SND1: variants seen among roughly 807,000 people sequenced by gnomAD.
SND1 encodes the protein staphylococcal nuclease and tudor domain containing 1.
Under a neutral mutation model 121.7 loss-of-function variants are expected in SND1, and 38 were observed. That is an observed-to-expected ratio of 0.31 (90% CI 0.24 to 0.41). The LOEUF is 0.41. SND1 is among the 10% of genes least tolerant of loss of function. SND1 has a pLI of 1.00. For synonymous variants in SND1, 401 were observed against 447.4 expected, an observed-to-expected ratio of 0.90 and a Z score of 1.31; for missense variants, 868 against 1,184.6, an observed-to-expected ratio of 0.73 and a Z score of 3.92.
chr7:127,930,801 C>T (rs1014802716), intron 15 of SND1, among the ~76,000 whole-genome samples: 3 of 152,172 alleles, frequency 2.0e-5, no homozygotes, highest in Non-Finnish European at 1.5e-5. Flanking sequence ...GTTGGAGGCA[C>T]AGGCATATCC....
chr7:127,926,854 G>C (rs1264314500), intron 14 of SND1, among the ~76,000 whole-genome samples: 3 of 151,858 alleles, frequency 2.0e-5, no homozygotes, highest in African/African-American at 7.3e-5. Flanking sequence ...GCCTCCCAAA[G>C]TGCTGAGATT....
chr7:127,722,685 G>A (rs781641673), intron 10 of SND1, among the ~76,000 whole-genome samples: 3 of 152,116 alleles, frequency 2.0e-5, no homozygotes, highest in Admixed American at 1.3e-4. Context: ...TTTCATTTGT[G>A]TGAGAGTTTA....
chr7:128,072,180 C>A (rs1048415470), intron 16 of SND1, among the ~76,000 whole-genome samples: 1 of 152,220 alleles, frequency 6.6e-6, no homozygotes, highest in Non-Finnish European at 1.5e-5. Context: ...ACAGGATAGA[C>A]AGCAACTGTG....
chr7:127,727,025 C>T (rs757045917), intron 10 of SND1, among the ~76,000 whole-genome samples: 1 of 152,178 alleles, frequency 6.6e-6, no homozygotes, highest in African/African-American at 2.4e-5. Flanking sequence ...GTAGTCACCC[C>T]CTGCTACCAG....
At position 128,086,336 on chromosome 7, in the gene SND1, C is replaced by T. The variant is rs193224111; in HGVS notation, c.2304+556C>T. 359 of 173,070 alleles carry T rather than the reference C, an allele frequency of 2.1e-3. 3 individuals carry two copies. Among genetic ancestry groups the T allele is most frequent in the Non-Finnish European group, 5.9e-4 (47 of 79,570 alleles). 10.7% of individuals were successfully genotyped at this position (173,070 alleles called of 1,614,324 possible). On this transcript the variant is annotated intron_variant, in intron 20 of 23. Coordinates refer to ENST00000354725, the MANE Select transcript of SND1 (RefSeq NM_014390.4). Reference sequence around the variant, plus strand: ...AAAACTGTCATTCAGGAGGGTGACGCTCCTGAGTCATGGCACTGCTTGTCT... The same window carrying T: ...AAAACTGTCATTCAGGAGGGTGACGTTCCTGAGTCATGGCACTGCTTGTCT...
Position 127,929,210 on chromosome 7 carries a change from T to A in SND1, c.1550T>A (p.Phe517Tyr). The A allele has an allele frequency of 6.2e-7, 1 of 1,614,156 alleles. No individual in the cohort carries two copies. Among genetic ancestry groups the A allele is most frequent in the Non-Finnish European group, 8.5e-7 (1 of 1,179,978 alleles). Residue 517 changes from phenylalanine to tyrosine, a missense_variant, in exon 15 of 24, where the codon TTC becomes TAC. Phe to Tyr is a conservative substitution (Grantham distance 22, BLOSUM62 3). Transcript: ENST00000354725. Reference protein sequence around the residue: ...ISGDTQKAKQFLPFLQRAGRS... With the variant: ...ISGDTQKAKQYLPFLQRAGRS... ...CAGGATACCCAAAAAGCAAAGCAGT[T>A]CCTGCCTTTTCTTCAGCGGGCAGGT...
intron 10 of SND1, among the ~76,000 whole-genome samples, chr7:127,782,084 G>T (rs188674735): frequency 3.7e-4 from 57 of 152,326 alleles, no homozygotes; most frequent in Non-Finnish European, 6.9e-4. Flanking sequence ...GCAGAGAATA[G>T]TTTCATGCCC....
intron 10 of SND1, among the ~76,000 whole-genome samples, chr7:127,727,411 A>C (rs1399754775): frequency 6.6e-6 from 1 of 152,114 alleles, no homozygotes; most frequent in Non-Finnish European, 1.5e-5. Context: ...TTTTCAACCT[A>C]TTCCCTCCAG....
intron 15 of SND1, among the ~76,000 whole-genome samples, chr7:127,948,513 G>A (rs147075582): frequency 9.8e-5 from 15 of 152,312 alleles, no homozygotes; most frequent in African/African-American, 2.6e-4. Flanking sequence ...GTGTCTTCCC[G>A]TAGTTCATCA....
At chr7:127,885,206 A>G (rs1331152600) in intron 12 of SND1, among the ~76,000 whole-genome samples, 13 of 152,132 alleles carry the variant, frequency 8.5e-5, no homozygotes, top group Admixed American at 8.5e-4. Flanking sequence ...ATCACTCACC[A>G]AGGAAGATAA....
chr7:128,027,834 G>GGCC (rs1803523541), intron 16 of SND1: 1 of 152,068 alleles, frequency 6.6e-6, no homozygotes, highest in South Asian at 2.1e-4. Context: ...CCCCTTCAGG[G>GGCC]GCCTCCTCCT....
intron 21 of SND1, among the ~76,000 whole-genome samples, chr7:128,088,949 C>T (rs1793730559): frequency 6.6e-6 from 1 of 152,064 alleles, no homozygotes; most frequent in South Asian, 2.1e-4. Flanking sequence ...AAAGGGGTCA[C>T]TTGCAAATAG....
intron 12 of SND1, among the ~76,000 whole-genome samples, chr7:127,871,514 T>C (rs1000489532): frequency 3.3e-5 from 5 of 152,190 alleles, no homozygotes; most frequent in Non-Finnish European, 7.3e-5. Context: ...CACCTGCGTA[T>C]ATGTGCTCCA....
chr7:127,828,737 A>T (rs919307737), intron 11 of SND1, among the ~76,000 whole-genome samples: 1 of 152,342 alleles, frequency 6.6e-6, no homozygotes, highest in East Asian at 1.9e-4. Context: ...TAATAAATTT[A>T]TAGCTCAAAA....
chr7:127,771,413 A>G (rs926987052), intron 10 of SND1, among the ~76,000 whole-genome samples: 15 of 152,240 alleles, frequency 9.9e-5, no homozygotes, highest in Non-Finnish European at 2.2e-4. Context: ...TAGTTGGCAC[A>G]GTATACTCTT....
intron 11 of SND1, among the ~76,000 whole-genome samples, chr7:127,821,479 G>A (rs1317024008): frequency 6.6e-6 from 1 of 152,108 alleles, no homozygotes; most frequent in African/African-American, 2.4e-5. Context: ...GTTGTCTCCA[G>A]GTTGATGGGT....
chr7:127,723,042 A>G (rs1213726047), intron 10 of SND1, among the ~76,000 whole-genome samples: 1 of 152,210 alleles, frequency 6.6e-6, no homozygotes, highest in African/African-American at 2.4e-5. Flanking sequence ...AGCAACCACA[A>G]CTTTGAAATT....
rs533728268 is a variant in SND1 at position 128,057,348 on chromosome 7, C to T, written c.1780-17154C>T. Among the ~76,000 whole-genome samples the T allele has an allele frequency of 3.3e-5, 5 of 152,272 alleles. No individual in the cohort carries two copies. The South Asian group carries it at 1.0e-3, about 32-fold the overall frequency. On this transcript the variant is annotated intron_variant, in intron 16 of 23. Coordinates refer to ENST00000354725, the MANE Select transcript of SND1 (RefSeq NM_014390.4). ...ATTCCAGTGAGAGATTCAAATGCAGCAGTTAGGAATAGCATTTCGTCGCTG... is the reference window on the plus strand; with the variant it reads ...ATTCCAGTGAGAGATTCAAATGCAGTAGTTAGGAATAGCATTTCGTCGCTG...
intron 1 of SND1, among the ~76,000 whole-genome samples, chr7:127,680,753 A>G (rs1386539589): frequency 6.7e-6 from 1 of 150,048 alleles, no homozygotes; most frequent in Non-Finnish European, 1.5e-5. Context: ...CTGAGGCGAC[A>G]TACATCCTCC....
Sources: allele counts gnomAD v4.1 joint callset (sites outside exome capture counted in the v4.1 genomes callset), GRCh38; gene constraint gnomAD v4.1.1; transcripts MANE v1.5; gene names NCBI Gene and HGNC (gene_info 2026-07-23, HGNC 2026-07-21).